NOMO2: variants seen among roughly 807,000 people sequenced by gnomAD.
The protein encoded by NOMO2 is NODAL modulator 2, also known as BOS complex subunit NOMO2.
NOMO2 carries 14 observed loss-of-function variants against 67.1 expected under a neutral mutation model. The ratio of observed to expected loss-of-function variants is 0.21; its 90% CI spans 0.14 to 0.33. The LOEUF (loss-of-function observed/expected upper bound fraction) is 0.33. Ranked by LOEUF, NOMO2 falls within the 10% of genes least tolerant of loss-of-function variation. NOMO2 has a pLI of 1.00. For missense variants in NOMO2, 178 were observed against 761.0 expected (o/e 0.23, Z 9.01); for synonymous variants, 80 against 305.9 (o/e 0.26, Z 7.71).
At chr16:18,557,869 T>C (rs1901946507) in intron 1 of NOMO2, 78 bp from the exon 2 acceptor site, 1 of 1,589,162 alleles carries the variant, frequency 6.3e-7, no homozygotes, top group African/African-American at 1.3e-5. Context: ...CTGAATGCAC[T>C]CAGTCAGTAT....
intron 11 of NOMO2, among the ~76,000 whole-genome samples, chr16:18,534,161 T>C (rs1033887860): frequency 2.0e-5 from 3 of 151,882 alleles, no homozygotes; most frequent in African/African-American, 4.8e-5. Context: ...AGATTGTGTA[T>C]GTGAAATCTA....
At chr16:18,528,381 T>C (rs1178679058) in intron 15 of NOMO2, among the ~76,000 whole-genome samples, 1 of 151,998 alleles carries the variant, frequency 6.6e-6, no homozygotes, top group Non-Finnish European at 1.5e-5. Context: ...ATCGATCTCC[T>C]ATAACAAATC....
intron 5 of NOMO2, among the ~76,000 whole-genome samples, chr16:18,548,282 A>G (rs2141746681): frequency 6.6e-6 from 1 of 151,300 alleles, no homozygotes; most frequent in South Asian, 2.1e-4. Flanking sequence ...ACTAGCCCAG[A>G]AAAAAAATTA....
chr16:18,539,602 C>G (rs1320852125), intron 9 of NOMO2, among the ~76,000 whole-genome samples: 3 of 151,908 alleles, frequency 2.0e-5, no homozygotes, highest in African/African-American at 7.3e-5. Context: ...ACTAAAAATA[C>G]AAAAATTAGC....
At chr16:18,536,643 T>C (rs1901430281) in intron 11 of NOMO2, among the ~76,000 whole-genome samples, 1 of 152,048 alleles carries the variant, frequency 6.6e-6, no homozygotes, top group Admixed American at 6.6e-5. Flanking sequence ...GTGTGAGGCA[T>C]TAAGCCTGGC....
chr16:18,553,761 A>AG (rs1901842808), intron 3 of NOMO2, among the ~76,000 whole-genome samples: 2 of 121,676 alleles, frequency 1.6e-5, no homozygotes, highest in South Asian at 6.5e-4. Context: ...GGCCATGAGC[A>AG]GGGCTGCATT....
intron 15 of NOMO2, 133 bp downstream of exon 15, chr16:18,529,368 A>T: frequency 6.2e-7 from 1 of 1,601,580 alleles, no homozygotes; most frequent in Non-Finnish European, 8.5e-7. Context: ...GTTGCGTAAC[A>T]GGTGGGCGAG....
chr16:18,545,198 C>T (rs1181571200), intron 6 of NOMO2, among the ~76,000 whole-genome samples: 5 of 148,636 alleles, frequency 3.4e-5, no homozygotes, highest in Non-Finnish European at 5.9e-5. Flanking sequence ...CAGGTTCAAG[C>T]GATTCTCCTG....
chr16:18,556,984 G>A (rs1311680244), intron 2 of NOMO2, among the ~76,000 whole-genome samples: 1 of 151,988 alleles, frequency 6.6e-6, no homozygotes, highest in African/African-American at 2.4e-5. Context: ...AACATTAGCT[G>A]GGTGTAGTGG....
At chr16:18,535,199 C>A (rs1021179410) in intron 11 of NOMO2, among the ~76,000 whole-genome samples, 7 of 143,886 alleles carry the variant, frequency 4.9e-5, no homozygotes, top group African/African-American at 1.8e-4. Context: ...AGCCTGTAAT[C>A]CCAGCTACTC....
chr16:18,561,082 C>T (rs1247310397), intron 1 of NOMO2, among the ~76,000 whole-genome samples: 1 of 148,656 alleles, frequency 6.7e-6, no homozygotes. Context: ...TCTGCCCCTA[C>T]CTCCATCCAT....
At chr16:18,536,160 G>A (rs1291715529) in intron 11 of NOMO2, among the ~76,000 whole-genome samples, 1 of 152,096 alleles carries the variant, frequency 6.6e-6, no homozygotes, top group Non-Finnish European at 1.5e-5. Flanking sequence ...CCCAAAGCAA[G>A]GCTACAAGGC....
chr16:18,533,203 C>T (rs1396789625), intron 11 of NOMO2, 24 bp from the exon 12 acceptor site: 3 of 1,609,204 alleles, frequency 1.9e-6, no homozygotes, highest in African/African-American at 2.7e-5. Flanking sequence ...ACCATTCATT[C>T]CAGCACGAGG....
Position 18,562,035 on chromosome 16 carries a change from C to G in NOMO2, c.6G>C (p.Leu2=). The change falls in exon 1 of 31, where the codon CTG becomes CTC. Residue 2 remains leucine, a synonymous_variant. Transcript: ENST00000622306. ...CCAGCAGCCCCGCGCCCTGGCCCAC[C>G]AGCATGGCCCGACCTCCCCCAGCTA... M[L]VGQGAGLLGP... is the part of the protein sequence containing the mutation. The G allele has an allele frequency of 1.3e-6, 2 of 1,507,068 alleles. No homozygotes were observed. The highest frequency in any genetic ancestry group is 2.6e-5 in the South Asian group (2 of 78,418). The allele number at this position is 1,507,068 out of a possible 1,614,324, so 93.4% of individuals were successfully genotyped here.
chr16:18,561,243 T>A (rs1181836871), intron 1 of NOMO2, among the ~76,000 whole-genome samples: 1 of 129,332 alleles, frequency 7.7e-6, no homozygotes, highest in African/African-American at 3.0e-5. Context: ...CATTAACTAC[T>A]CATTAAGGCA....
intron 11 of NOMO2, among the ~76,000 whole-genome samples, chr16:18,535,795 G>A (rs1399014385): frequency 6.6e-6 from 1 of 151,726 alleles, no homozygotes; most frequent in Non-Finnish European, 1.5e-5. Flanking sequence ...CTTGCCAACT[G>A]ATAACTCTTT....
intron 3 of NOMO2, among the ~76,000 whole-genome samples, 169 bp downstream of exon 3, chr16:18,554,638 C>T (rs1158117254): frequency 5.1e-5 from 7 of 137,920 alleles, no homozygotes; most frequent in African/African-American, 1.3e-4. Flanking sequence ...AAGGTAAATC[C>T]GAACTAAACC....
intron 3 of NOMO2, among the ~76,000 whole-genome samples, chr16:18,553,060 G>A (rs1261452772): frequency 1.3e-5 from 2 of 151,826 alleles, no homozygotes; most frequent in Non-Finnish European, 2.9e-5. Context: ...GATCACTTGA[G>A]GTCAGGAGTT....
At chr16:18,538,384 T>C in intron 11 of NOMO2, 142 bp downstream of exon 11, 2 of 897,300 alleles carry the variant, frequency 2.2e-6, no homozygotes, top group East Asian at 2.9e-5. Context: ...CAAGACTCTG[T>C]CTCTCAAAAA....
Sources: allele counts gnomAD v4.1 joint callset (sites outside exome capture counted in the v4.1 genomes callset), GRCh38; gene constraint gnomAD v4.1.1; transcripts MANE v1.5; gene names NCBI Gene and HGNC (gene_info 2026-07-23, HGNC 2026-07-21).